COL12A1: variants seen among roughly 807,000 people sequenced by gnomAD.
The protein encoded by COL12A1 is collagen alpha-1(XII) chain.
COL12A1 carries 114 observed loss-of-function variants against 349.7 expected under a neutral mutation model. The observed-to-expected ratio is 0.33, with a 90% CI of 0.28 to 0.38. The LOEUF (loss-of-function observed/expected upper bound fraction) is 0.38. COL12A1 is among the 10% of genes least tolerant of loss of function. COL12A1 has a pLI of 1.00. For synonymous variants in COL12A1, 1,369 were observed against 1,329.0 expected, an observed-to-expected ratio of 1.03 and a Z score of -0.66; for missense variants, 3,284 against 3,756.9, an observed-to-expected ratio of 0.87 and a Z score of 3.29.
At chr6:75,166,203 C>G (rs965552240) in intron 13 of COL12A1, among the ~76,000 whole-genome samples, 1 of 152,130 alleles carries the variant, frequency 6.6e-6, no homozygotes, top group Non-Finnish European at 1.5e-5. Context: ...CTTTTCCTCT[C>G]TGATCTAATT....
chr6:75,143,137 T>C (rs1766997142), intron 26 of COL12A1, 115 bp downstream of exon 26: 1 of 1,213,910 alleles, frequency 8.2e-7, no homozygotes, highest in East Asian at 2.3e-5. Context: ...TTCAACACTG[T>C]GTTAACAAAG....
intron 23 of COL12A1, 50 bp from the exon 24 acceptor site, chr6:75,146,294 C>T (rs1386613910): frequency 6.6e-7 from 1 of 1,506,858 alleles, no homozygotes; most frequent in Non-Finnish European, 8.9e-7. Flanking sequence ...TCATTCCACT[C>T]ATTTTTAACC....
At chr6:75,138,290 T>C (rs779648218) in intron 30 of COL12A1, 30 bp downstream of exon 30, 4 of 1,583,230 alleles carry the variant, frequency 2.5e-6, no homozygotes, top group Admixed American at 1.7e-5. Flanking sequence ...TATTTGTTCA[T>C]TCAAACAATT....
chr6:75,201,782 T>A (rs551960574), intron 2 of COL12A1, among the ~76,000 whole-genome samples: 1 of 152,256 alleles, frequency 6.6e-6, no homozygotes, highest in Admixed American at 6.5e-5. Flanking sequence ...CACTGAGAAA[T>A]TAAGACATCA....
At chr6:75,177,307 C>T (rs751201859) in intron 12 of COL12A1, among the ~76,000 whole-genome samples, 31 of 152,066 alleles carry the variant, frequency 2.0e-4, no homozygotes, top group African/African-American at 6.8e-4. Context: ...TGTAGTTGCA[C>T]GCGCCTGTAA....
chr6:75,178,187 T>C (rs1431875191), intron 11 of COL12A1, among the ~76,000 whole-genome samples: 1 of 152,208 alleles, frequency 6.6e-6, no homozygotes, highest in Non-Finnish European at 1.5e-5. Flanking sequence ...CATAAAGATG[T>C]ATATAATAGT....
At chr6:75,101,492 C>T in intron 58 of COL12A1, 108 bp downstream of exon 58, 1 of 1,057,642 alleles carries the variant, frequency 9.5e-7, no homozygotes, top group Non-Finnish European at 1.4e-6. Flanking sequence ...CAGCTTTCCA[C>T]AAGATATATT....
At chr6:75,189,873 A>C in intron 5 of COL12A1, 58 bp from the exon 6 acceptor site, 1 of 1,556,496 alleles carries the variant, frequency 6.4e-7, no homozygotes, top group Non-Finnish European at 8.7e-7. Context: ...TCATCAATAC[A>C]TGTTAACATT....
At chr6:75,134,460 A>G (rs1264631424) in intron 32 of COL12A1, among the ~76,000 whole-genome samples, 1 of 152,090 alleles carries the variant, frequency 6.6e-6, no homozygotes, top group Admixed American at 6.6e-5. Flanking sequence ...AATCCCAGCT[A>G]TTCGGGAGCC....
At chr6:75,153,219 A>T (rs1200478095) in intron 17 of COL12A1, among the ~76,000 whole-genome samples, 1 of 152,196 alleles carries the variant, frequency 6.6e-6, no homozygotes. Context: ...TCAAGAAAGA[A>T]GGAAGACAAT....
At chr6:75,094,207 CT>C (rs199519184) in intron 60 of COL12A1, among the ~76,000 whole-genome samples, 2 of 151,302 alleles carry the variant, frequency 1.3e-5, no homozygotes, top group South Asian at 2.1e-4. Context: ...TCTGAAATTA[CT>C]TTTTTTTTAA....
chr6:75,110,207 T>A (rs577269855), intron 51 of COL12A1, among the ~76,000 whole-genome samples: 1 of 152,134 alleles, frequency 6.6e-6, no homozygotes, highest in South Asian at 2.1e-4. Flanking sequence ...GGATATTTTT[T>A]ATCTAATAAG....
At position 75,132,990 on chromosome 6, in the gene COL12A1, T is replaced by C. The variant is rs979552382; in HGVS notation, c.5794+303A>G. On this transcript the variant is annotated intron_variant, in intron 34 of 65. Coordinates refer to ENST00000322507, the MANE Select transcript of COL12A1 (RefSeq NM_004370.6). ...TTGTAAAGTCCTTCACAACAATTTA[T>C]AAAGCAGAAAGCAAAGCTCAATGAA... Among the ~76,000 whole-genome samples, 4 of 152,198 alleles carry C rather than the reference T, an allele frequency of 2.6e-5. No homozygotes were observed. The East Asian group carries it at 7.7e-4, about 29-fold the overall frequency.
In COL12A1 at chr6:75,113,201, T is replaced by C. The variant is rs1236671673; in HGVS notation, c.7950+3A>G. 1 of 1,478,230 alleles carries C rather than the reference T, an allele frequency of 6.8e-7. No individual in the cohort carries two copies. Among genetic ancestry groups the C allele is most frequent in the Non-Finnish European group, 9.2e-7 (1 of 1,092,164 alleles). 91.6% of individuals were successfully genotyped at this position (1,478,230 alleles called of 1,614,324 possible). ...TAAGACTCAAATAATCTTATGTTTT[T>C]ACCTTGTGAAAACTTCCATAAAATA... is the stretch of plus-strand genomic sequence containing the variant. On this transcript the variant is annotated splice_donor_region_variant and intron_variant, in intron 51 of 65. Transcript: ENST00000322507.
At chr6:75,198,348 A>T (rs1468984533) in intron 2 of COL12A1, among the ~76,000 whole-genome samples, 2 of 151,898 alleles carry the variant, frequency 1.3e-5, no homozygotes, top group Admixed American at 6.6e-5. Flanking sequence ...TGGGTTTAAT[A>T]TATACGTATT....
rs1038093370 is a variant in COL12A1 at position 75,137,640 on chromosome 6, T to C, written c.5252-61A>G. 4.5e-6 allele frequency: 7 copies of C among 1,565,264 alleles called. No individual in the cohort carries two copies. In the East Asian group the frequency reaches 6.8e-5, roughly 15 times the overall value. On this transcript the variant is annotated intron_variant, in intron 30 of 65. Coordinates refer to ENST00000322507, the MANE Select transcript of COL12A1 (RefSeq NM_004370.6). ...CAGAACAATGCCTCCCCCTAAAATA[T>C]ATACAGCTCCCAAGGCAATCAGAGA...
intron 7 of COL12A1, among the ~76,000 whole-genome samples, 200 bp from the exon 8 acceptor site, chr6:75,188,735 T>C (rs970951626): frequency 1.3e-5 from 2 of 152,110 alleles, no homozygotes; most frequent in Admixed American, 1.3e-4. Flanking sequence ...TGACATATAG[T>C]GGTCAGCCAA....
At chr6:75,102,854 T>C (rs945354610) in intron 55 of COL12A1, among the ~76,000 whole-genome samples, 162 bp from the exon 56 acceptor site, 9 of 152,242 alleles carry the variant, frequency 5.9e-5, no homozygotes, top group Non-Finnish European at 1.0e-4. Flanking sequence ...ATGTAATTTC[T>C]TCCCTTTACT....
chr6:75,134,174 A>G (rs1254670313), intron 32 of COL12A1, among the ~76,000 whole-genome samples, 177 bp from the exon 33 acceptor site: 1 of 152,216 alleles, frequency 6.6e-6, no homozygotes, highest in Non-Finnish European at 1.5e-5. Flanking sequence ...CATATGTCTC[A>G]TCTATCCACA....
Sources: gnomAD v4.1 joint callset for allele counts (sites outside exome capture counted in the v4.1 genomes callset) on GRCh38, gnomAD v4.1.1 for gene constraint, MANE v1.5 for transcripts, NCBI Gene and HGNC (gene_info 2026-07-23, HGNC 2026-07-21) for gene names.